The following MYO18B variants were observed in gnomAD, a reference collection of about 807,000 sequenced individuals.
The protein encoded by MYO18B is myosin XVIIIB.
A neutral mutation model predicts 273.0 loss-of-function variants in MYO18B; 204 were observed. The ratio of observed to expected loss-of-function variants is 0.75; its 90% CI spans 0.67 to 0.84. MYO18B has a LOEUF of 0.84. Ranked by LOEUF, MYO18B falls within the 40% of genes least tolerant of loss-of-function variation. MYO18B has a pLI of 0.00. For synonymous variants in MYO18B, 1,330 were observed against 1,305.7 expected (o/e 1.02, Z -0.40); for missense variants, 3,212 against 3,287.6 (o/e 0.98, Z 0.56).
At chr22:25,923,146 G>A (rs1225123238) in intron 34 of MYO18B, among the ~76,000 whole-genome samples, 1 of 152,188 alleles carries the variant, frequency 6.6e-6, no homozygotes, top group African/African-American at 2.4e-5. Context: ...TGAATAGAGC[G>A]AGTTTATGTG....
At chr22:26,061,007 A>ATACACACATACCACATATG in the MYO18B span, among the ~76,000 whole-genome samples, 1 of 71,958 alleles carries the variant, frequency 1.4e-5, no homozygotes, top group Non-Finnish European at 2.4e-5. Flanking sequence ...GCACACACAT[A>ATACACACATACCACATATG]CACACACACA....
chr22:25,970,373 C>A (rs548246889), intron 39 of MYO18B, among the ~76,000 whole-genome samples: 18 of 152,246 alleles, frequency 1.2e-4, no homozygotes, highest in African/African-American at 3.6e-4. Context: ...CTGTGAATGA[C>A]GTCCCCAAAT....
chr22:25,922,765 T>C (rs1332600920), intron 34 of MYO18B, among the ~76,000 whole-genome samples: 2 of 152,132 alleles, frequency 1.3e-5, no homozygotes, highest in African/African-American at 4.8e-5. Context: ...GGCAGCAGAC[T>C]ATAGCGCCAA....
At chr22:25,930,021 C>T (rs376864623) in intron 34 of MYO18B, among the ~76,000 whole-genome samples, 39 of 152,286 alleles carry the variant, frequency 2.6e-4, no homozygotes, top group African/African-American at 7.9e-4. Flanking sequence ...CACCCCTCAC[C>T]CGAAGCTTAG....
chr22:25,941,302 G>A lies in MYO18B; in HGVS notation c.5518-4835G>A, dbSNP rs529310087. On this transcript the variant is annotated intron_variant, in intron 34 of 43. Transcript: ENST00000335473. The stretch of plus-strand genomic sequence containing the variant: ...CATGGGGACGTGATGATTACTCAGA[G>A]TCGAAAGGTGGGAAGTGTCAGCTGT... Among the ~76,000 whole-genome samples, 8 of 152,270 alleles carry A rather than the reference G, an allele frequency of 5.3e-5. No individual in the cohort carries two copies. In the South Asian group the frequency reaches 1.7e-3, roughly 32 times the overall value.
chr22:25,853,262 G>A (rs1013303642), intron 21 of MYO18B, among the ~76,000 whole-genome samples: 1 of 152,206 alleles, frequency 6.6e-6, no homozygotes, highest in Non-Finnish European at 1.5e-5. Context: ...GAGATCATCA[G>A]CACTGCAGTC....
chr22:25,781,964 C>T, intron 10 of MYO18B, 130 bp downstream of exon 10: 1 of 588,306 alleles, frequency 1.7e-6, no homozygotes, highest in Non-Finnish European at 2.7e-6. Flanking sequence ...AACATGGCGT[C>T]CGATTCCAGC....
At chr22:25,947,890 T>A (rs903889844) in intron 36 of MYO18B, 62 bp downstream of exon 36, 23 of 1,258,268 alleles carry the variant, frequency 1.8e-5, no homozygotes, top group Non-Finnish European at 2.5e-5. Flanking sequence ...ATGGGGAATG[T>A]TGAGAAGGTG....
chr22:25,790,272 AT>A lies in MYO18B; in HGVS notation c.2376+4787del, dbSNP rs200413783. Among the ~76,000 whole-genome samples the A allele has an allele frequency of 2.3e-3, 344 of 152,298 alleles. 7 individuals carry two copies. In the East Asian group the frequency reaches 0.053, roughly 24 times the overall value. ...CATTTACATGGTTTTATTTATTTTT[AT>A]TTTTTAATTATACTTTAAGTTTTAG... On this transcript the variant is annotated intron_variant, in intron 11 of 43. Coordinates refer to ENST00000335473, the MANE Select transcript of MYO18B (RefSeq NM_032608.7).
chr22:26,039,253 T>A, the MYO18B span, among the ~76,000 whole-genome samples: 3 of 152,310 alleles, frequency 2.0e-5, no homozygotes, highest in South Asian at 2.1e-4. Flanking sequence ...CTATAGATGT[T>A]ACTATACCTG....
chr22:25,781,566 C>G (rs1039528235), intron 9 of MYO18B, among the ~76,000 whole-genome samples, 168 bp from the exon 10 acceptor site: 1 of 148,608 alleles, frequency 6.7e-6, no homozygotes, highest in Admixed American at 6.9e-5. Flanking sequence ...GCCGAGATCA[C>G]GCCACCGCAC....
At chr22:25,753,740 G>C (rs1284679509) in intron 1 of MYO18B, among the ~76,000 whole-genome samples, 1 of 152,122 alleles carries the variant, frequency 6.6e-6, no homozygotes, top group South Asian at 2.1e-4. Flanking sequence ...CACCGCGAAG[G>C]CCTGCAGCTT....
chr22:25,919,842 C>T (rs1252415830), intron 33 of MYO18B, among the ~76,000 whole-genome samples: 11 of 152,178 alleles, frequency 7.2e-5, no homozygotes, highest in African/African-American at 2.7e-4. Flanking sequence ...TCTAGAGGAA[C>T]ACATTCGAGG....
chr22:25,826,015 A>G (rs931112807), intron 13 of MYO18B, among the ~76,000 whole-genome samples: 9 of 152,222 alleles, frequency 5.9e-5, no homozygotes, highest in African/African-American at 1.7e-4. Flanking sequence ...GCCCAGCCTC[A>G]TGAAGGAGAC....
intron 12 of MYO18B, among the ~76,000 whole-genome samples, chr22:25,812,257 C>T (rs143413313): frequency 4.6e-5 from 7 of 152,290 alleles, no homozygotes; most frequent in South Asian, 2.1e-4. Context: ...GTGAAGAATG[C>T]GGGGCTCAGA....
chr22:25,868,426 C>G (rs1458811055), intron 22 of MYO18B, 41 bp downstream of exon 22: 1 of 1,518,362 alleles, frequency 6.6e-7, no homozygotes, highest in Non-Finnish European at 9.0e-7. Flanking sequence ...CCCATCACAT[C>G]AGGGACCCAG....
At chr22:26,001,627 AT>A (rs1184110392) in intron 40 of MYO18B, among the ~76,000 whole-genome samples, 1 of 152,252 alleles carries the variant, frequency 6.6e-6, no homozygotes, top group Non-Finnish European at 1.5e-5. Context: ...AGAGAAAGCC[AT>A]GGGATAGGGA....
chr22:26,003,318 AC>A lies in MYO18B; in HGVS notation c.6332+13del. The A allele has an allele frequency of 1.2e-6, 2 of 1,603,752 alleles. No homozygotes were observed. The highest frequency in any genetic ancestry group is 1.7e-6 in the Non-Finnish European group (2 of 1,175,298). ...AGCGGCCGAAAAGAGATGTAAGTTA[AC>A]CCCAGGTAGAACTGAGCAGCTCACA... On this transcript the variant is annotated intron_variant, in intron 41 of 43. Coordinates refer to ENST00000335473, the MANE Select transcript of MYO18B (RefSeq NM_032608.7).
chr22:25,783,353 A>G (rs2087242401), intron 10 of MYO18B, among the ~76,000 whole-genome samples: 1 of 152,246 alleles, frequency 6.6e-6, no homozygotes. Flanking sequence ...ATCGCATGTC[A>G]AGGCAGCAGG....
Sources: allele counts gnomAD v4.1 joint callset (sites outside exome capture counted in the v4.1 genomes callset), GRCh38; gene constraint gnomAD v4.1.1; transcripts MANE v1.5; gene names NCBI Gene and HGNC (gene_info 2026-07-23, HGNC 2026-07-21).